Variants in NRG3 observed in about 807,000 individuals in gnomAD.
The protein encoded by NRG3 is neuregulin 3.
In NRG3, 31 loss-of-function variants were observed where a neutral mutation model predicts 66.9. The observed-to-expected ratio is 0.46, with a 90% CI of 0.35 to 0.63. The LOEUF (loss-of-function observed/expected upper bound fraction) is 0.63, where lower values mean the gene tolerates loss of function less well. NRG3 is among the 20% of genes least tolerant of loss of function. NRG3 has a pLI of 0.00. For synonymous variants in NRG3, 393 were observed against 359.4 expected (o/e 1.09, Z -1.06); for missense variants, 910 against 878.9 (o/e 1.04, Z -0.45).
chr10:82,971,048 G>A (rs1851676913), intron 6 of NRG3, among the ~76,000 whole-genome samples: 1 of 152,138 alleles, frequency 6.6e-6, no homozygotes, highest in Admixed American at 6.5e-5. Context: ...AAGGGGAGCA[G>A]GTGTCACATG....
chr10:82,013,363 A>G (rs561120641), intron 1 of NRG3, among the ~76,000 whole-genome samples: 2 of 152,284 alleles, frequency 1.3e-5, no homozygotes, highest in East Asian at 1.9e-4. Context: ...GATTATTACA[A>G]TTCAAAGTGA....
intron 3 of NRG3, among the ~76,000 whole-genome samples, chr10:82,775,816 A>G (rs2135223357): frequency 6.6e-6 from 1 of 152,196 alleles, no homozygotes; most frequent in Middle Eastern, 3.4e-3. Context: ...TTATGTGTTT[A>G]GGTGCTTTAG....
At chr10:82,838,429 A>G (rs1363853854) in intron 3 of NRG3, among the ~76,000 whole-genome samples, 2 of 152,180 alleles carry the variant, frequency 1.3e-5, no homozygotes, top group African/African-American at 4.8e-5. Flanking sequence ...TATGGTGACA[A>G]TAGATGCCCA....
At chr10:82,969,107 C>T (rs1851490942) in intron 6 of NRG3, among the ~76,000 whole-genome samples, 1 of 152,128 alleles carries the variant, frequency 6.6e-6, no homozygotes, top group Non-Finnish European at 1.5e-5. Flanking sequence ...ATTCAAGATG[C>T]AATTTGGGTG....
intron 1 of NRG3, among the ~76,000 whole-genome samples, chr10:81,916,659 A>G (rs1183796267): frequency 1.3e-5 from 2 of 152,146 alleles, no homozygotes; most frequent in African/African-American, 2.4e-5. Flanking sequence ...AGACTGAAAA[A>G]ATACATAGTG....
At chr10:82,440,618 T>G (rs888292383) in intron 2 of NRG3, among the ~76,000 whole-genome samples, 2 of 152,126 alleles carry the variant, frequency 1.3e-5, no homozygotes, top group African/African-American at 4.8e-5. Flanking sequence ...GTGGAACTCT[T>G]GTGGAGATGG....
chr10:82,378,247 G>A (rs1032633880), intron 2 of NRG3, among the ~76,000 whole-genome samples: 3 of 152,178 alleles, frequency 2.0e-5, no homozygotes, highest in Non-Finnish European at 4.4e-5. Context: ...ATTAAGACAT[G>A]GAAAACATTC....
chr10:81,904,163 C>G (rs753215607), intron 1 of NRG3, among the ~76,000 whole-genome samples: 1 of 151,856 alleles, frequency 6.6e-6, no homozygotes, highest in Non-Finnish European at 1.5e-5. Flanking sequence ...GCATGCAACA[C>G]CATGCCTGGC....
intron 3 of NRG3, among the ~76,000 whole-genome samples, chr10:82,777,829 A>C (rs1047437620): frequency 6.6e-6 from 1 of 152,176 alleles, no homozygotes; most frequent in African/African-American, 2.4e-5. Flanking sequence ...CTGCATCAGC[A>C]GCAATAACCC....
intron 3 of NRG3, among the ~76,000 whole-genome samples, chr10:82,783,829 A>G (rs1308029881): frequency 6.6e-6 from 1 of 152,182 alleles, no homozygotes; most frequent in African/African-American, 2.4e-5. Flanking sequence ...GCTACCAATG[A>G]CTTTCTTCAC....
At chr10:82,673,897 A>T (rs951088849) in intron 2 of NRG3, among the ~76,000 whole-genome samples, 2 of 152,198 alleles carry the variant, frequency 1.3e-5, no homozygotes, top group Non-Finnish European at 2.9e-5. Context: ...AGAGGGAAAG[A>T]ACATAGATCC....
In NRG3 at chr10:82,903,631, G is replaced by T. The variant is rs559606159; in HGVS notation, c.1054+38194G>T. ...ATAAATAAAGCACAGTACTTCAAAT[G>T]TATTTTCTCTTCCTTATGACTTCCT... On this transcript the variant is annotated intron_variant, in intron 4 of 8. Transcript: ENST00000372141. Among the ~76,000 whole-genome samples, 10 of 152,136 alleles carry T rather than the reference G, an allele frequency of 6.6e-5. No homozygotes were observed. The South Asian group carries it at 2.1e-3, about 32-fold the overall frequency.
intron 1 of NRG3, among the ~76,000 whole-genome samples, chr10:82,047,637 C>T (rs953286582): frequency 1.5e-3 from 224 of 151,644 alleles, no homozygotes; most frequent in African/African-American, 5.1e-3. Context: ...TACCAGCTGC[C>T]GCAAAATCAT....
At chr10:82,492,303 T>G (rs1318191771) in intron 2 of NRG3, among the ~76,000 whole-genome samples, 4 of 152,234 alleles carry the variant, frequency 2.6e-5, no homozygotes, top group African/African-American at 9.6e-5. Flanking sequence ...TTTAATTTTC[T>G]GCTAAATGGT....
chr10:82,652,544 A>G (rs117550317), intron 2 of NRG3, among the ~76,000 whole-genome samples: 2,550 of 152,158 alleles, frequency 0.017, 40 homozygotes, highest in Non-Finnish European at 0.025. Flanking sequence ...CCTCTCCCCA[A>G]TTGTAGCCTC....
intron 1 of NRG3, among the ~76,000 whole-genome samples, chr10:82,330,581 T>G (rs1237309773): frequency 6.6e-6 from 1 of 152,212 alleles, no homozygotes; most frequent in Non-Finnish European, 1.5e-5. Context: ...GAACAACATT[T>G]TTTTTCTGAT....
At chr10:81,912,397 T>G (rs926412918) in intron 1 of NRG3, among the ~76,000 whole-genome samples, 1 of 152,138 alleles carries the variant, frequency 6.6e-6, no homozygotes, top group African/African-American at 2.4e-5. Flanking sequence ...GATTTTTAAA[T>G]TTTTTGTAGA....
At chr10:82,586,203 C>A (rs2046655504) in intron 2 of NRG3, among the ~76,000 whole-genome samples, 3 of 149,612 alleles carry the variant, frequency 2.0e-5, no homozygotes, top group South Asian at 2.1e-4. Context: ...CAAACTTGAA[C>A]TTGTACCCCT....
At chr10:82,705,506 C>G (rs1565221634) in intron 2 of NRG3, among the ~76,000 whole-genome samples, 1 of 152,274 alleles carries the variant, frequency 6.6e-6, no homozygotes, top group Admixed American at 6.5e-5. Flanking sequence ...GGCCTGTTAC[C>G]TACATTTACC....
Sources: allele counts gnomAD v4.1 joint callset (sites outside exome capture counted in the v4.1 genomes callset), GRCh38; gene constraint gnomAD v4.1.1; transcripts MANE v1.5; gene names NCBI Gene and HGNC (gene_info 2026-07-23, HGNC 2026-07-21).